The following GRM5 variants were observed in gnomAD, a reference collection of about 807,000 sequenced individuals.
GRM5 encodes the protein metabotropic glutamate receptor 5.
A neutral mutation model predicts 83.1 loss-of-function variants in GRM5; 19 were observed. The observed-to-expected ratio is 0.23, with a 90% CI of 0.16 to 0.34. The LOEUF is 0.34. GRM5 is among the 10% of genes least tolerant of loss of function. The pLI is 1.00. For missense variants in GRM5, 1,160 were observed against 1,588.3 expected (o/e 0.73, Z 4.58); for synonymous variants, 675 against 633.6 (o/e 1.07, Z -0.98).
intron 3 of GRM5, among the ~76,000 whole-genome samples, chr11:88,667,966 AT>A (rs2135327309): frequency 6.6e-6 from 1 of 152,246 alleles, no homozygotes; most frequent in South Asian, 2.1e-4. Flanking sequence ...ACTGATGAAC[AT>A]TTATGAACAC....
intron 3 of GRM5, among the ~76,000 whole-genome samples, chr11:88,810,178 C>T (rs989329432): frequency 4.0e-5 from 6 of 151,802 alleles, no homozygotes; most frequent in Non-Finnish European, 8.8e-5. Context: ...AAACTGCAGC[C>T]TAGATTAGCA....
chr11:89,054,969 A>C (rs1201049979), intron 1 of GRM5, among the ~76,000 whole-genome samples: 1 of 152,298 alleles, frequency 6.6e-6, no homozygotes, highest in South Asian at 2.1e-4. Flanking sequence ...AATCATTAGT[A>C]TTTTTAATTT....
At chr11:88,816,077 A>G (rs6483481) in intron 3 of GRM5, among the ~76,000 whole-genome samples, 67,109 of 144,404 alleles carry the variant, frequency 0.46, 18,645 homozygotes, top group East Asian at 0.75. Flanking sequence ...GCCGGGCGCG[A>G]TGGCGGGCGC....
At chr11:88,910,318 C>T (rs1945475812) in intron 2 of GRM5, among the ~76,000 whole-genome samples, 1 of 152,010 alleles carries the variant, frequency 6.6e-6, no homozygotes, top group African/African-American at 2.4e-5. Flanking sequence ...ATCTATTTAT[C>T]TACTGATGAA....
chr11:88,888,849 C>A (rs1945090357), intron 2 of GRM5, among the ~76,000 whole-genome samples: 2 of 152,236 alleles, frequency 1.3e-5, no homozygotes, highest in East Asian at 3.9e-4. Flanking sequence ...CCCAGGACCC[C>A]CTAAGCCTGC....
At chr11:88,803,908 T>C (rs1359936918) in intron 3 of GRM5, among the ~76,000 whole-genome samples, 1 of 152,170 alleles carries the variant, frequency 6.6e-6, no homozygotes, top group African/African-American at 2.4e-5. Context: ...AAGAAGACAT[T>C]TATGCAGCCA....
At chr11:88,700,944 C>T (rs1004977644) in intron 3 of GRM5, among the ~76,000 whole-genome samples, 10 of 152,242 alleles carry the variant, frequency 6.6e-5, no homozygotes, top group Non-Finnish European at 1.3e-4. Flanking sequence ...AGGCAGAATA[C>T]GTTTGTGCAG....
intron 8 of GRM5, among the ~76,000 whole-genome samples, chr11:88,563,540 C>A (rs553043302): frequency 6.6e-6 from 1 of 152,236 alleles, no homozygotes; most frequent in Admixed American, 6.5e-5. Context: ...ATTATAGCAG[C>A]CTGTTTCTTC....
At chr11:88,884,400 C>A (rs1171069414) in intron 2 of GRM5, among the ~76,000 whole-genome samples, 2 of 152,150 alleles carry the variant, frequency 1.3e-5, no homozygotes, top group African/African-American at 2.4e-5. Context: ...CCCACTGTGT[C>A]TAGGAAGTAA....
In GRM5 at chr11:88,513,510, A is replaced by T. The variant is rs536223259; in HGVS notation, c.2727-4006T>A. ...AATAGTACTCAATGTCTACATATTT[A>T]AAAAATTTCATTAAATATGAAAATA... is the stretch of plus-strand genomic sequence containing the variant. On this transcript the variant is annotated intron_variant, in intron 9 of 9. Transcript: ENST00000305447. 2.6e-5 allele frequency among the ~76,000 whole-genome samples: 4 copies of T among 152,318 alleles called. No homozygotes were observed. In the South Asian group the frequency reaches 6.2e-4, roughly 24 times the overall value.
rs114002433 is a variant in GRM5 at position 88,753,449 on chromosome 11, A to G, written c.911+96457T>C. ...GTGATTATTAAAAAGTCAAAAAATA[A>G]CAGATGATGGCGAGATCGTTGGTAG... On this transcript the variant is annotated intron_variant, in intron 3 of 9. Coordinates refer to ENST00000305447, the MANE Select transcript of GRM5 (RefSeq NM_001143831.3). Among the ~76,000 whole-genome samples, 1,433 of 152,164 alleles carry G rather than the reference A, an allele frequency of 9.4e-3. 20 individuals are homozygous for G. Among genetic ancestry groups the G allele is most frequent in the African/African-American group, 0.032 (1,348 of 41,544 alleles).
At chr11:89,025,672 G>T (rs1286122329) in intron 2 of GRM5, among the ~76,000 whole-genome samples, 2 of 152,128 alleles carry the variant, frequency 1.3e-5, no homozygotes, top group African/African-American at 2.4e-5. Context: ...AGGAGGAAAA[G>T]AAATGGATGG....
At chr11:88,801,032 T>C (rs1183937320) in intron 3 of GRM5, among the ~76,000 whole-genome samples, 35 of 152,138 alleles carry the variant, frequency 2.3e-4, no homozygotes, top group Non-Finnish European at 5.9e-5. Context: ...TTCAGGTATG[T>C]TTTATAGAAA....
chr11:88,545,063 T>C (rs982326425), intron 8 of GRM5, among the ~76,000 whole-genome samples: 34 of 152,212 alleles, frequency 2.2e-4, no homozygotes, highest in Non-Finnish European at 7.3e-5. Context: ...ACATCTGGTT[T>C]CCATACCCAA....
At chr11:88,743,301 T>C (rs1942066022) in intron 3 of GRM5, among the ~76,000 whole-genome samples, 2 of 152,210 alleles carry the variant, frequency 1.3e-5, no homozygotes, top group South Asian at 4.1e-4. Context: ...GGCACCAAAC[T>C]GGGTACACGA....
chr11:88,591,464 G>A (rs558359947), intron 6 of GRM5, among the ~76,000 whole-genome samples: 9 of 152,188 alleles, frequency 5.9e-5, no homozygotes, highest in South Asian at 2.1e-4. Context: ...TTATTCTTTC[G>A]AAATAGATGT....
chr11:88,965,712 T>A lies in GRM5; in HGVS notation c.661+81500A>T, dbSNP rs1017867550. ...TTTCTCTAAGAAGGTATTTTTAAAATCTTAATTTGGTATGTAGCCAGCAAC... is the reference window on the plus strand; with the variant it reads ...TTTCTCTAAGAAGGTATTTTTAAAAACTTAATTTGGTATGTAGCCAGCAAC... On this transcript the variant is annotated intron_variant, in intron 2 of 9. Transcript: ENST00000305447. Among the ~76,000 whole-genome samples the A allele has an allele frequency of 4.0e-4, 61 of 152,078 alleles. 1 individual carries two copies. Among genetic ancestry groups the A allele is most frequent in the African/African-American group, 1.2e-3 (51 of 41,398 alleles).
intron 2 of GRM5, among the ~76,000 whole-genome samples, chr11:88,920,925 A>G (rs1338678933): frequency 6.6e-6 from 1 of 152,182 alleles, no homozygotes; most frequent in Non-Finnish European, 1.5e-5. Flanking sequence ...AGTGTATGGC[A>G]TTCTTATTTT....
At chr11:88,940,457 C>A (rs529683566) in intron 2 of GRM5, among the ~76,000 whole-genome samples, 1 of 149,032 alleles carries the variant, frequency 6.7e-6, no homozygotes, top group East Asian at 2.0e-4. Context: ...TGGGAGAAAG[C>A]GCTCCCATTA....
Sources: gnomAD v4.1 joint callset for allele counts (sites outside exome capture counted in the v4.1 genomes callset) on GRCh38, gnomAD v4.1.1 for gene constraint, MANE v1.5 for transcripts, NCBI Gene and HGNC (gene_info 2026-07-23, HGNC 2026-07-21) for gene names.